Variants in KIAA1958 observed in about 807,000 individuals in gnomAD.
The protein encoded by KIAA1958 is KIAA1958.
In KIAA1958, 14 loss-of-function variants were observed where a neutral mutation model predicts 47.2. That is an observed-to-expected ratio of 0.30 (90% CI 0.20 to 0.46). KIAA1958 has a LOEUF of 0.46. Ranked by LOEUF, KIAA1958 falls within the 20% of genes least tolerant of loss-of-function variation. The pLI is 1.00. For synonymous variants in KIAA1958, 354 were observed against 353.3 expected (o/e 1.00, Z -0.02); for missense variants, 803 against 909.2 (o/e 0.88, Z 1.50).
intron 1 of KIAA1958, among the ~76,000 whole-genome samples, chr9:112,517,001 TTTGA>T (rs554229958): frequency 6.6e-6 from 1 of 152,246 alleles, no homozygotes; most frequent in Non-Finnish European, 1.5e-5. Flanking sequence ...GTTGGTTGCC[TTTGA>T]TTGGCTGAAA....
intron 1 of KIAA1958, among the ~76,000 whole-genome samples, chr9:112,550,506 G>A (rs1194676750): frequency 6.6e-6 from 1 of 152,148 alleles, no homozygotes; most frequent in Non-Finnish European, 1.5e-5. Context: ...CTCAGGCTGT[G>A]ATTCACTAAA....
At chr9:112,559,376 C>G (rs1835291185) in intron 1 of KIAA1958, among the ~76,000 whole-genome samples, 1 of 152,066 alleles carries the variant, frequency 6.6e-6, no homozygotes, top group South Asian at 2.1e-4. Flanking sequence ...CAAAGGAAAC[C>G]AAGAATAGCA....
Position 112,491,491 on chromosome 9 carries a change from C to A in KIAA1958, c.-25+4373C>A, listed in dbSNP as rs79641774. ...CTCTGGAAATCTATGGCCTCTTTAG[C>A]TCCAGAGATAGGACAAAAAGTAATA... On this transcript the variant is annotated intron_variant, in intron 1 of 3. Transcript: ENST00000337530. 5.3e-3 allele frequency among the ~76,000 whole-genome samples: 803 copies of A among 151,962 alleles called. 11 individuals are homozygous for A. The highest frequency in any genetic ancestry group is 0.018 in the African/African-American group (761 of 41,458).
intron 1 of KIAA1958, among the ~76,000 whole-genome samples, chr9:112,519,309 A>T (rs991750456): frequency 6.6e-6 from 1 of 152,116 alleles, no homozygotes; most frequent in Non-Finnish European, 1.5e-5. Flanking sequence ...TGCTATTATC[A>T]TACTTATATG....
At chr9:112,495,515 T>C (rs1243089723) in intron 1 of KIAA1958, among the ~76,000 whole-genome samples, 1 of 152,126 alleles carries the variant, frequency 6.6e-6, no homozygotes, top group Non-Finnish European at 1.5e-5. Flanking sequence ...AGATGAAAAA[T>C]ACCAAGTATG....
At chr9:112,610,305 A>C (rs527635226) in intron 2 of KIAA1958, among the ~76,000 whole-genome samples, 39 of 152,064 alleles carry the variant, frequency 2.6e-4, no homozygotes, top group South Asian at 1.0e-3. Flanking sequence ...CATCCAATTC[A>C]AGAGGTTAGA....
chr9:112,565,262 A>G (rs13285827), intron 1 of KIAA1958, among the ~76,000 whole-genome samples: 7,452 of 152,244 alleles, frequency 0.049, 359 homozygotes, highest in African/African-American at 0.12. Flanking sequence ...CTTGAATTTC[A>G]AGGTTTTTTG....
intron 1 of KIAA1958, among the ~76,000 whole-genome samples, chr9:112,532,217 G>A (rs1183454168): frequency 6.6e-6 from 1 of 152,046 alleles, no homozygotes; most frequent in Non-Finnish European, 1.5e-5. Flanking sequence ...GGTCATATAT[G>A]GAAGATTATA....
chr9:112,500,688 A>G (rs1834119643), intron 1 of KIAA1958, among the ~76,000 whole-genome samples: 1 of 152,222 alleles, frequency 6.6e-6, no homozygotes, highest in Non-Finnish European at 1.5e-5. Context: ...GGCCTGAGAA[A>G]TAAACAAGTC....
chr9:112,489,995 T>C (rs1183228926), intron 1 of KIAA1958, among the ~76,000 whole-genome samples: 1 of 152,230 alleles, frequency 6.6e-6, no homozygotes, highest in African/African-American at 2.4e-5. Flanking sequence ...TCTTTCTTTT[T>C]GACATTTTTT....
chr9:112,617,695 C>T (rs1036936659), intron 2 of KIAA1958, among the ~76,000 whole-genome samples: 18 of 152,112 alleles, frequency 1.2e-4, no homozygotes, highest in Non-Finnish European at 2.4e-4. Flanking sequence ...TTTTGTGAAA[C>T]TGAAGTTGGC....
chr9:112,638,999 A>G (rs899966467), intron 2 of KIAA1958, among the ~76,000 whole-genome samples: 6 of 152,152 alleles, frequency 3.9e-5, no homozygotes, highest in Admixed American at 1.3e-4. Context: ...TTTTTTTCTC[A>G]ACGAATTTTG....
chr9:112,537,955 C>T (rs979378681), intron 1 of KIAA1958, among the ~76,000 whole-genome samples: 1 of 152,018 alleles, frequency 6.6e-6, no homozygotes. Flanking sequence ...AAACATTATA[C>T]AATAATAAAA....
rs149179886 is a variant in KIAA1958 at position 112,565,684 on chromosome 9, T to G, written c.-24-8373T>G. 3.5e-3 allele frequency among the ~76,000 whole-genome samples: 537 copies of G among 152,364 alleles called. 5 individuals carry two copies. The highest frequency in any genetic ancestry group is 0.012 in the African/African-American group (507 of 41,582). On this transcript the variant is annotated intron_variant, in intron 1 of 3. Coordinates refer to ENST00000337530, the MANE Select transcript of KIAA1958 (RefSeq NM_133465.4). ...CAATATATTGAAGTAGAGTGATAAC[T>G]ATTCTTTTGACTCAATATATTTAAT...
chr9:112,510,309 C>A (rs1386927553), intron 1 of KIAA1958, among the ~76,000 whole-genome samples: 2 of 152,154 alleles, frequency 1.3e-5, no homozygotes, highest in East Asian at 3.9e-4. Flanking sequence ...TGAACTGCTT[C>A]CCCACAGCAC....
chr9:112,488,583 T>G (rs1833910136), intron 1 of KIAA1958, among the ~76,000 whole-genome samples: 1 of 152,000 alleles, frequency 6.6e-6, no homozygotes, highest in Non-Finnish European at 1.5e-5. Context: ...CCCAGGAGAT[T>G]AAAAAAACGA....
At chr9:112,497,891 CTTTA>C (rs764840596) in intron 1 of KIAA1958, among the ~76,000 whole-genome samples, 4 of 151,876 alleles carry the variant, frequency 2.6e-5, no homozygotes, top group Non-Finnish European at 5.9e-5. Flanking sequence ...CTTAGGAGTC[CTTTA>C]TTTATTTTTA....
At chr9:112,580,401 TATAC>T (rs1422259742) in intron 2 of KIAA1958, among the ~76,000 whole-genome samples, 1 of 152,162 alleles carries the variant, frequency 6.6e-6, no homozygotes, top group Non-Finnish European at 1.5e-5. Context: ...TGTGCTTGTG[TATAC>T]ATACATATAT....
intron 1 of KIAA1958, among the ~76,000 whole-genome samples, chr9:112,513,493 T>C (rs1453057431): frequency 1.2e-3 from 2 of 1,686 alleles, no homozygotes; most frequent in Admixed American, 5.8e-3. Context: ...TGGCCGCGGC[T>C]GGTGGTTGGC....
Sources: gnomAD v4.1 joint callset for allele counts (sites outside exome capture counted in the v4.1 genomes callset) on GRCh38, gnomAD v4.1.1 for gene constraint, MANE v1.5 for transcripts, NCBI Gene and HGNC (gene_info 2026-07-23, HGNC 2026-07-21) for gene names.